Variants in WWC1 observed in about 807,000 individuals in gnomAD.
WWC1 encodes the protein protein KIBRA.
WWC1 carries 55 observed loss-of-function variants against 138.4 expected under a neutral mutation model. The observed-to-expected ratio is 0.40, with a 90% CI of 0.32 to 0.50. WWC1 has a LOEUF of 0.50. WWC1 is among the 20% of genes least tolerant of loss of function. The pLI, the probability that WWC1 is intolerant of heterozygous loss-of-function variation, is 0.72. For synonymous variants in WWC1, 524 were observed against 564.9 expected, an observed-to-expected ratio of 0.93 and a Z score of 1.03; for missense variants, 1,226 against 1,420.4, an observed-to-expected ratio of 0.86 and a Z score of 2.20.
intron 1 of WWC1, among the ~76,000 whole-genome samples, chr5:168,330,954 C>G (rs886246796): frequency 6.6e-6 from 1 of 152,200 alleles, no homozygotes; most frequent in Non-Finnish European, 1.5e-5. Context: ...CCAAGACGAG[C>G]TGGGTGACTA....
chr5:168,403,200 C>T (rs1779521500), intron 5 of WWC1, among the ~76,000 whole-genome samples: 1 of 151,964 alleles, frequency 6.6e-6, no homozygotes, highest in South Asian at 2.1e-4. Context: ...CAGGTCCAAG[C>T]GATTCTCCTG....
At chr5:168,371,629 T>C (rs2152807615) in intron 2 of WWC1, 96 bp downstream of exon 2, 2 of 771,590 alleles carry the variant, frequency 2.6e-6, no homozygotes, top group Admixed American at 5.2e-5. Context: ...ACTTGCAGAC[T>C]CTTGGAGCCA....
At position 168,348,000 on chromosome 5, in the gene WWC1, A is replaced by T. The variant is rs146450901; in HGVS notation, c.120-23424A>T. On this transcript the variant is annotated intron_variant, in intron 1 of 22. Coordinates refer to ENST00000265293, the MANE Select transcript of WWC1 (RefSeq NM_015238.3). ...AGAGGAGTCATGCTCAGGAGATGGC[A>T]GTGTGACTATTAGAGATTTCTGCTA... Among the ~76,000 whole-genome samples, 131 of 152,324 alleles carry T rather than the reference A, an allele frequency of 8.6e-4. 2 individuals are homozygous for T. The East Asian group carries it at 0.015, about 17-fold the overall frequency.
At chr5:168,457,982 A>G (rs1440261519) in intron 19 of WWC1, among the ~76,000 whole-genome samples, 1 of 152,224 alleles carries the variant, frequency 6.6e-6, no homozygotes, top group Non-Finnish European at 1.5e-5. Flanking sequence ...GAGCATTTGC[A>G]TCCAATTGAC....
At chr5:168,461,691 C>T (rs769696393) in intron 20 of WWC1, among the ~76,000 whole-genome samples, 26 of 152,188 alleles carry the variant, frequency 1.7e-4, no homozygotes, top group Non-Finnish European at 3.8e-4. Flanking sequence ...CGACTTTGGG[C>T]TTTCAACACA....
At chr5:168,371,992 A>G (rs1184168478) in intron 2 of WWC1, among the ~76,000 whole-genome samples, 1 of 151,736 alleles carries the variant, frequency 6.6e-6, no homozygotes, top group Non-Finnish European at 1.5e-5. Flanking sequence ...CCCCCACAGC[A>G]TGTATGCATA....
chr5:168,353,886 C>T (rs144263490), intron 1 of WWC1, among the ~76,000 whole-genome samples: 80 of 152,264 alleles, frequency 5.3e-4, no homozygotes, highest in Non-Finnish European at 1.0e-3. Flanking sequence ...TCATTTGGAA[C>T]GATGTCTTCA....
At chr5:168,400,798 T>G (rs1779249390) in intron 5 of WWC1, among the ~76,000 whole-genome samples, 1 of 134,470 alleles carries the variant, frequency 7.4e-6, no homozygotes, top group African/African-American at 2.9e-5. Context: ...AGTGGCAAAG[T>G]GAGACCCTGT....
intron 1 of WWC1, among the ~76,000 whole-genome samples, chr5:168,355,189 G>A (rs1775299537): frequency 6.6e-6 from 1 of 152,084 alleles, no homozygotes; most frequent in Non-Finnish European, 1.5e-5. Context: ...TGCCCAGGAA[G>A]GCCTCTAAAA....
chr5:168,401,086 G>A, intron 5 of WWC1, among the ~76,000 whole-genome samples: 1 of 151,812 alleles, frequency 6.6e-6, no homozygotes, highest in East Asian at 1.9e-4. Context: ...GTGAGACCCT[G>A]TCTCGAAAAA....
intron 21 of WWC1, among the ~76,000 whole-genome samples, chr5:168,465,275 A>G (rs6896866): frequency 2.6e-4 from 40 of 152,192 alleles, no homozygotes; most frequent in African/African-American, 8.7e-4. Context: ...TACGTAGGGT[A>G]CCCAGTCTGT....
intron 6 of WWC1, 103 bp downstream of exon 6, chr5:168,406,430 A>T: frequency 6.7e-7 from 1 of 1,484,504 alleles, no homozygotes; most frequent in Non-Finnish European, 9.2e-7. Flanking sequence ...CACATCACTG[A>T]GTTCTCATTA....
At position 168,353,865 on chromosome 5, in the gene WWC1, T is replaced by C. The variant is rs116422458; in HGVS notation, c.120-17559T>C. Reference sequence around the variant, plus strand: ...CTTTCTGGGAATCCTGTGTCGCCTGTTGTGAAAGTTTCATTTGGAACGATG... The same window carrying C: ...CTTTCTGGGAATCCTGTGTCGCCTGCTGTGAAAGTTTCATTTGGAACGATG... On this transcript the variant is annotated intron_variant, in intron 1 of 22. Coordinates refer to ENST00000265293, the MANE Select transcript of WWC1 (RefSeq NM_015238.3). 3.8e-3 allele frequency among the ~76,000 whole-genome samples: 579 copies of C among 152,344 alleles called. 10 individuals carry two copies. The highest frequency in any genetic ancestry group is 0.013 in the African/African-American group (558 of 41,578).
At chr5:168,415,975 G>T (rs4976600) in intron 9 of WWC1, 2 of 151,638 alleles carry the variant, frequency 1.3e-5, no homozygotes, top group African/African-American at 4.9e-5. Context: ...GGAAGCAGTC[G>T]GGAGTCCTAG....
rs201199684 is a variant in WWC1, at chr5:168,464,745, C to T, written c.2933C>T (p.Ser978Leu). ...CCCCCACAGCCTTCCTCGGTCAAGT[C>T]GCTGCGCTCCGAGCGTCTGATCCGT... ...VRMKRPSSVK[S>L]LRSERLIRTS... The change falls in exon 21 of 23, where the codon TCG becomes TTG. Residue 978 changes from serine (S) to leucine (L), a missense_variant. Ser to Leu is a moderately radical substitution (Grantham distance 145, BLOSUM62 -2). Transcript: ENST00000265293. 5.0e-6 allele frequency: 8 copies of T among 1,614,154 alleles called. No individual in the cohort carries two copies. In the East Asian group the frequency reaches 1.6e-4, roughly 31 times the overall value.
At chr5:168,375,563 T>C (rs1010975362) in intron 2 of WWC1, among the ~76,000 whole-genome samples, 2 of 152,120 alleles carry the variant, frequency 1.3e-5, no homozygotes, top group African/African-American at 4.8e-5. Flanking sequence ...TCTTTTTTTT[T>C]GTTTTTTTCT....
In WWC1 at chr5:168,454,093, C is replaced by T; in HGVS notation, c.2651C>T (p.Ala884Val). Residue 884 changes from alanine to valine, a missense_variant, in exon 18 of 23, where the codon GCA (alanine) becomes GTA (valine). Ala to Val is a moderately conservative substitution (Grantham distance 64). This residue lies in a region of WWC1 where 1,016 missense variants were observed against 1,153.9 expected (regional missense o/e 0.88). Coordinates refer to ENST00000265293, the MANE Select transcript of WWC1 (RefSeq NM_015238.3). The part of the protein sequence containing the change: ...KASPDMDGYP[A>V]LKVDKETNTE... ...TCACCTGATATGGATGGGTACCCAG[C>T]ATTAAAGGTAGGAAGGGCTGGGGGG... The T allele has an allele frequency of 6.2e-7, 1 of 1,612,374 alleles. No individual in the cohort carries two copies. The highest frequency in any genetic ancestry group is 8.5e-7 in the Non-Finnish European group (1 of 1,179,710).
intron 8 of WWC1, among the ~76,000 whole-genome samples, chr5:168,412,722 G>C (rs751583202): frequency 6.6e-6 from 1 of 151,618 alleles, no homozygotes; most frequent in Non-Finnish European, 1.5e-5. Flanking sequence ...AAAGTATCCA[G>C]GAAAAAAAAT....
chr5:168,432,380 G>A (rs1466833383), intron 15 of WWC1, among the ~76,000 whole-genome samples: 2 of 152,134 alleles, frequency 1.3e-5, no homozygotes, highest in East Asian at 3.9e-4. Flanking sequence ...AGTCAGGACT[G>A]GGGATGAAGT....
Sources: allele counts gnomAD v4.1 joint callset (sites outside exome capture counted in the v4.1 genomes callset), GRCh38; gene constraint gnomAD v4.1.1; regional missense constraint gnomAD v4.1.1; transcripts MANE v1.5; gene names NCBI Gene and HGNC (gene_info 2026-07-23, HGNC 2026-07-21).